CNTNAP3B: variants seen among roughly 807,000 people sequenced by gnomAD.
CNTNAP3B encodes the protein contactin-associated protein-like 3B.
In CNTNAP3B, 25 loss-of-function variants were observed where a neutral mutation model predicts 108.9. The observed-to-expected ratio is 0.23, with a 90% CI of 0.17 to 0.32. The LOEUF (loss-of-function observed/expected upper bound fraction) is 0.32. CNTNAP3B is among the 10% of genes least tolerant of loss of function. The pLI, the probability that CNTNAP3B is intolerant of heterozygous loss-of-function variation, is 1.00. For synonymous variants in CNTNAP3B, 103 were observed against 473.4 expected, an observed-to-expected ratio of 0.22 and a Z score of 10.16; for missense variants, 252 against 1,210.4, an observed-to-expected ratio of 0.21 and a Z score of 11.75.
chr9:41,958,566 C>T (rs1175991720), intron 12 of CNTNAP3B, among the ~76,000 whole-genome samples: 1 of 151,834 alleles, frequency 6.6e-6, no homozygotes, highest in Non-Finnish European at 1.5e-5. Context: ...AGGTCTGAGT[C>T]CTTTAGGGAG....
At chr9:41,928,739 A>T (rs1823890828) in intron 15 of CNTNAP3B, among the ~76,000 whole-genome samples, 1 of 147,854 alleles carries the variant, frequency 6.8e-6, no homozygotes, top group Non-Finnish European at 1.5e-5. Context: ...CAGGGAAAGA[A>T]GATTTTTACT....
chr9:41,945,956 C>T (rs1293977109), intron 13 of CNTNAP3B, among the ~76,000 whole-genome samples: 2 of 152,258 alleles, frequency 1.3e-5, no homozygotes, highest in African/African-American at 2.4e-5. Flanking sequence ...TTAGACAAAG[C>T]CAACTGCAGA....
intron 3 of CNTNAP3B, among the ~76,000 whole-genome samples, chr9:42,053,361 A>G (rs1341898071): frequency 7.6e-6 from 1 of 131,696 alleles, no homozygotes; most frequent in African/African-American, 3.1e-5. Flanking sequence ...ATAAAATTAG[A>G]TTTGTCATGA....
intron 12 of CNTNAP3B, among the ~76,000 whole-genome samples, chr9:41,956,481 C>G (rs1824863353): frequency 6.6e-6 from 1 of 152,248 alleles, no homozygotes; most frequent in African/African-American, 2.4e-5. Context: ...GTAAGTAGAA[C>G]TACTGTAAAC....
chr9:42,036,767 C>A lies in CNTNAP3B; in HGVS notation c.391-23242G>T, dbSNP rs546503968. 5.1e-5 allele frequency among the ~76,000 whole-genome samples: 7 copies of A among 137,352 alleles called. No homozygotes were observed. In the South Asian group the frequency reaches 1.2e-3, roughly 23 times the overall value. 90.1% of individuals were successfully genotyped at this position (137,352 alleles called of 152,430 possible). On this transcript the variant is annotated intron_variant, in intron 3 of 23. Transcript: ENST00000377561. ...TGCCTCCACAAGTGGGTCCCTGACCCCCGAGTAGCCTAACTGGGAGGCACC... is the reference window on the plus strand; with the variant it reads ...TGCCTCCACAAGTGGGTCCCTGACCACCGAGTAGCCTAACTGGGAGGCACC...
At chr9:42,103,426 A>G (rs866266494) in intron 2 of CNTNAP3B, among the ~76,000 whole-genome samples, 1 of 122,102 alleles carries the variant, frequency 8.2e-6, no homozygotes, top group South Asian at 2.6e-4. Context: ...GTTAAAAAAA[A>G]AAAAAAAAAA....
At chr9:41,981,914 AAT>A (rs2118311385) in intron 9 of CNTNAP3B, among the ~76,000 whole-genome samples, 1 of 44,584 alleles carries the variant, frequency 2.2e-5, no homozygotes, top group Non-Finnish European at 5.0e-5. Flanking sequence ...TAATAATAAT[AAT>A]AAATTAGCTG....
At chr9:41,928,602 A>T (rs1156288347) in intron 15 of CNTNAP3B, among the ~76,000 whole-genome samples, 1 of 152,290 alleles carries the variant, frequency 6.6e-6, no homozygotes, top group Non-Finnish European at 1.5e-5. Flanking sequence ...CTCCTTGTTG[A>T]ACCACCCCTC....
intron 1 of CNTNAP3B, among the ~76,000 whole-genome samples, chr9:42,111,882 C>T (rs1376173650): frequency 7.2e-6 from 1 of 138,642 alleles, no homozygotes; most frequent in African/African-American, 2.9e-5. Flanking sequence ...TCCCCAGCCA[C>T]ACACACACCT....
At position 41,972,434 on chromosome 9, in the gene CNTNAP3B, C is replaced by G. The variant is rs1005318626; in HGVS notation, c.1478-2189G>C. Among the ~76,000 whole-genome samples, 24 of 128,494 alleles carry G rather than the reference C, an allele frequency of 1.9e-4. 4 individuals carry two copies. Among genetic ancestry groups the G allele is most frequent in the Admixed American group, 7.1e-4 (9 of 12,730 alleles). The allele number at this position is 128,494 out of a possible 152,430, so 84.3% of individuals were successfully genotyped here. On this transcript the variant is annotated intron_variant, in intron 9 of 23. Transcript: ENST00000377561. ...CCTCTTACTGGAATAAATGAAGCAC[C>G]TCTCAATGCCTGTACTCTTATTTCC...
At chr9:42,041,403 C>G (rs1371069169) in intron 3 of CNTNAP3B, among the ~76,000 whole-genome samples, 5 of 151,598 alleles carry the variant, frequency 3.3e-5, no homozygotes, top group Non-Finnish European at 7.4e-5. Context: ...AAGAATCAAA[C>G]AACCCCATCA....
At position 41,990,377 on chromosome 9, in the gene CNTNAP3B, C is replaced by T. The variant is rs1158686769; in HGVS notation, c.1333+1233G>A. 6.2e-5 allele frequency among the ~76,000 whole-genome samples: 8 copies of T among 128,022 alleles called. 1 individual carries two copies. The South Asian group carries it at 7.8e-4, about 13-fold the overall frequency. 84.0% of individuals were successfully genotyped at this position (128,022 alleles called of 152,430 possible). A position where few individuals can be genotyped will look rare whatever the true frequency, so the allele number is the denominator to read the frequency against. On this transcript the variant is annotated intron_variant, in intron 8 of 23. Coordinates refer to ENST00000377561, the MANE Select transcript of CNTNAP3B (RefSeq NM_001201380.3). ...GCATTTCTAAAAGATAAAAAATATACGTCTCCTCTGAATATCTGTTTTATC... is the reference window on the plus strand; with the variant it reads ...GCATTTCTAAAAGATAAAAAATATATGTCTCCTCTGAATATCTGTTTTATC...
chr9:42,034,182 A>ATCTATC (rs1387322077), intron 3 of CNTNAP3B, among the ~76,000 whole-genome samples: 3 of 61,862 alleles, frequency 4.8e-5, no homozygotes, highest in East Asian at 1.1e-3. Context: ...ATGTATGTAT[A>ATCTATC]TATGTATCTA....
chr9:41,966,356 A>T (rs558623466), intron 10 of CNTNAP3B, among the ~76,000 whole-genome samples: 54 of 152,416 alleles, frequency 3.5e-4, no homozygotes, highest in African/African-American at 1.3e-3. Flanking sequence ...TAAGTGATCT[A>T]GAGACTATCA....
chr9:41,934,190 T>C (rs1362113636), intron 14 of CNTNAP3B, among the ~76,000 whole-genome samples: 7 of 138,444 alleles, frequency 5.1e-5, no homozygotes, highest in African/African-American at 2.2e-4. Context: ...CACACACACA[T>C]ATATATATAC....
intron 18 of CNTNAP3B, among the ~76,000 whole-genome samples, chr9:41,915,721 T>C (rs1410916742): frequency 5.5e-5 from 8 of 145,940 alleles, no homozygotes; most frequent in Non-Finnish European, 1.2e-4. Flanking sequence ...TTTTTTTTTT[T>C]CAGCAACAAT....
chr9:41,940,503 C>A (rs1824305285), intron 13 of CNTNAP3B, among the ~76,000 whole-genome samples: 2 of 147,960 alleles, frequency 1.4e-5, no homozygotes, highest in African/African-American at 5.1e-5. Flanking sequence ...GAGAAACTAT[C>A]CTTCAAGAAT....
At chr9:41,934,993 A>G (rs1824112126) in intron 14 of CNTNAP3B, among the ~76,000 whole-genome samples, 1 of 152,222 alleles carries the variant, frequency 6.6e-6, no homozygotes, top group South Asian at 2.1e-4. Flanking sequence ...ATATTAGCAA[A>G]ACAACTTGTG....
chr9:42,109,716 C>A (rs1464966932), intron 1 of CNTNAP3B, among the ~76,000 whole-genome samples: 1 of 140,288 alleles, frequency 7.1e-6, no homozygotes, highest in Non-Finnish European at 1.5e-5. Flanking sequence ...CTGACAGTGG[C>A]TCCCAAAGAT....
Sources: gnomAD v4.1 joint callset for allele counts (sites outside exome capture counted in the v4.1 genomes callset) on GRCh38, gnomAD v4.1.1 for gene constraint, MANE v1.5 for transcripts, NCBI Gene and HGNC (gene_info 2026-07-23, HGNC 2026-07-21) for gene names.